HDAC9: variants seen among roughly 807,000 people sequenced by gnomAD.
HDAC9 encodes histone deacetylase 9.
HDAC9 carries 41 observed loss-of-function variants against 139.4 expected under a neutral mutation model. The ratio of observed to expected loss-of-function variants is 0.29; its 90% CI spans 0.23 to 0.38. The LOEUF (loss-of-function observed/expected upper bound fraction) is 0.38. HDAC9 is among the 10% of genes least tolerant of loss of function. The probability of loss-of-function intolerance (pLI) is 1.00; values close to 1 mark genes in which losing one functional copy is unlikely to be tolerated. For missense variants in HDAC9, 1,147 were observed against 1,297.0 expected, an observed-to-expected ratio of 0.88 and a Z score of 1.78; for synonymous variants, 517 against 476.2, an observed-to-expected ratio of 1.09 and a Z score of -1.12.
chr7:18,193,284 A>G (rs1031679022), intron 2 of HDAC9, among the ~76,000 whole-genome samples: 5 of 152,210 alleles, frequency 3.3e-5, no homozygotes, highest in African/African-American at 1.2e-4. Flanking sequence ...AATACATTTC[A>G]TCAATAGATA....
At chr7:18,605,479 T>A (rs1247139756) in intron 6 of HDAC9, among the ~76,000 whole-genome samples, 1 of 152,216 alleles carries the variant, frequency 6.6e-6, no homozygotes, top group Admixed American at 6.5e-5. Context: ...CCTTCGTGTG[T>A]ATTTCAAAAT....
intron 17 of HDAC9, among the ~76,000 whole-genome samples, chr7:18,805,116 G>A (rs1373659646): frequency 6.6e-6 from 1 of 152,136 alleles, no homozygotes; most frequent in African/African-American, 2.4e-5. Context: ...ATTCTTAAAA[G>A]GAATTTAAGT....
intron 14 of HDAC9, among the ~76,000 whole-genome samples, chr7:18,754,888 GA>G (rs1472701362): frequency 2.6e-5 from 4 of 152,114 alleles, no homozygotes; most frequent in Non-Finnish European, 4.4e-5. Context: ...CATCTGTGGT[GA>G]AACACTTTGG....
intron 21 of HDAC9, among the ~76,000 whole-genome samples, chr7:18,850,447 A>G (rs1385793454): frequency 6.6e-6 from 1 of 152,214 alleles, no homozygotes; most frequent in Non-Finnish European, 1.5e-5. Context: ...GAATAAACCT[A>G]CAGAATGCTT....
Position 18,595,397 on chromosome 7 carries a change from C to G in HDAC9, c.664+1368C>G, listed in dbSNP as rs750645925. Among the ~76,000 whole-genome samples, 16 of 152,058 alleles carry G rather than the reference C, an allele frequency of 1.1e-4. 1 individual carries two copies. The East Asian group carries it at 3.1e-3, about 29-fold the overall frequency. Reference sequence around the variant, plus strand: ...GGATGAAAGAAAGCAAAATGTGAGCCTCTATGTTATTTCTAAAACATGAGT... The same window carrying G: ...GGATGAAAGAAAGCAAAATGTGAGCGTCTATGTTATTTCTAAAACATGAGT... On this transcript the variant is annotated intron_variant, in intron 6 of 25. Coordinates refer to ENST00000686413, the MANE Select transcript of HDAC9 (RefSeq NM_178425.4).
At position 18,634,693 on chromosome 7, in the gene HDAC9, G is replaced by T; in HGVS notation, c.863G>T (p.Ser288Ile). The T allele has an allele frequency of 6.3e-7, 1 of 1,599,610 alleles. No individual in the cohort carries two copies. The highest frequency in any genetic ancestry group is 8.5e-7 in the Non-Finnish European group (1 of 1,172,334). Residue 288 changes from serine to isoleucine, a missense_variant, in exon 8 of 26, where the codon AGT (serine) becomes ATT (isoleucine). This residue lies in a region of HDAC9 where 264 missense variants were observed against 273.8 expected (regional missense o/e 0.96). Coordinates refer to ENST00000686413, the MANE Select transcript of HDAC9 (RefSeq NM_178425.4). ...PSSPNNGPTG[S>I]VTENETSVLP... ...TCACCAAACAATGGGCCAACTGGAA[G>T]TGTTACTGAAAATGAGACTTCGGTT...
chr7:18,802,350 A>G (rs1157056974), intron 17 of HDAC9, among the ~76,000 whole-genome samples: 6 of 151,962 alleles, frequency 3.9e-5, no homozygotes, highest in African/African-American at 9.7e-5. Flanking sequence ...ACTCAATTTA[A>G]ATATAAGACA....
At chr7:18,583,991 G>C (rs937745487) in intron 2 of HDAC9, among the ~76,000 whole-genome samples, 1 of 151,932 alleles carries the variant, frequency 6.6e-6, no homozygotes, top group South Asian at 2.1e-4. Flanking sequence ...TGTGGGTAAG[G>C]GTCATACTCA....
chr7:18,531,620 T>C (rs1017348695), intron 2 of HDAC9, among the ~76,000 whole-genome samples: 1 of 152,168 alleles, frequency 6.6e-6, no homozygotes, highest in African/African-American at 2.4e-5. Flanking sequence ...CAGTCTTTAA[T>C]AGACAAAATA....
At chr7:18,185,387 T>A (rs1186328277) in intron 2 of HDAC9, among the ~76,000 whole-genome samples, 1 of 152,216 alleles carries the variant, frequency 6.6e-6, no homozygotes, top group African/African-American at 2.4e-5. Context: ...GCAACTAATG[T>A]TGAGGACTGC....
At chr7:18,838,527 G>T (rs2073964) in intron 21 of HDAC9, among the ~76,000 whole-genome samples, 1 of 151,782 alleles carries the variant, frequency 6.6e-6, no homozygotes, top group African/African-American at 2.4e-5. Flanking sequence ...GAAAGAAAAT[G>T]AATCATATTT....
chr7:18,868,111 C>CT (rs923022793), intron 21 of HDAC9, among the ~76,000 whole-genome samples: 41 of 151,622 alleles, frequency 2.7e-4, no homozygotes, highest in Admixed American at 3.9e-4. Context: ...TTGTTTTAAT[C>CT]TTTTTTTTTC....
chr7:18,153,758 G>T (rs189125868), intron 1 of HDAC9, among the ~76,000 whole-genome samples: 1 of 152,198 alleles, frequency 6.6e-6, no homozygotes, highest in Non-Finnish European at 1.5e-5. Context: ...AACAGAATCA[G>T]TGCCAATGTG....
intron 21 of HDAC9, among the ~76,000 whole-genome samples, chr7:18,857,805 C>T (rs1797802181): frequency 6.6e-6 from 1 of 152,012 alleles, no homozygotes; most frequent in African/African-American, 2.4e-5. Context: ...AAAAGACAAA[C>T]TTGACAAAGT....
chr7:18,585,561 T>G, intron 3 of HDAC9, 39 bp downstream of exon 3: 1 of 1,605,136 alleles, frequency 6.2e-7, no homozygotes, highest in East Asian at 2.2e-5. Context: ...TACTCAGGAG[T>G]CTGCACCGTG....
chr7:18,932,719 G>C (rs1029333747), intron 22 of HDAC9, among the ~76,000 whole-genome samples: 32 of 151,744 alleles, frequency 2.1e-4, no homozygotes, highest in African/African-American at 7.5e-4. Flanking sequence ...ATCTATCTTA[G>C]CTTTTGCCAC....
intron 6 of HDAC9, among the ~76,000 whole-genome samples, chr7:18,626,807 A>T (rs769410356): frequency 2.1e-4 from 32 of 152,296 alleles, no homozygotes; most frequent in Non-Finnish European, 4.4e-4. Context: ...ATCTTGGAAA[A>T]TTCTAGGTTT....
chr7:18,237,790 T>C (rs977037890), intron 2 of HDAC9, among the ~76,000 whole-genome samples: 1 of 152,158 alleles, frequency 6.6e-6, no homozygotes, highest in African/African-American at 2.4e-5. Flanking sequence ...AGTTAAGGAT[T>C]TGAGATAAGG....
At chr7:18,627,257 A>T (rs915258943) in intron 6 of HDAC9, among the ~76,000 whole-genome samples, 19 of 152,124 alleles carry the variant, frequency 1.2e-4, no homozygotes, top group African/African-American at 4.3e-4. Flanking sequence ...TGATCAATTG[A>T]TTTACTCCCT....
Sources: gnomAD v4.1 joint callset for allele counts (sites outside exome capture counted in the v4.1 genomes callset) on GRCh38, gnomAD v4.1.1 for gene constraint, gnomAD v4.1.1 regional missense constraint, MANE v1.5 for transcripts, NCBI Gene and HGNC (gene_info 2026-07-23, HGNC 2026-07-21) for gene names.